Variants in WASF2 observed in about 807,000 individuals in gnomAD.
The protein encoded by WASF2 is WASP family member 2.
A neutral mutation model predicts 45.0 loss-of-function variants in WASF2; 14 were observed. The ratio of observed to expected loss-of-function variants is 0.31; its 90% CI spans 0.21 to 0.49. The LOEUF (loss-of-function observed/expected upper bound fraction) is 0.49. Ranked by LOEUF, WASF2 falls within the 20% of genes least tolerant of loss-of-function variation. The pLI is 0.99. For synonymous variants in WASF2, 200 were observed against 236.3 expected (o/e 0.85, Z 1.41); for missense variants, 439 against 636.1 (o/e 0.69, Z 3.33).
intron 1 of WASF2, among the ~76,000 whole-genome samples, chr1:27,467,457 C>G (rs1450608506): frequency 6.7e-6 from 1 of 149,840 alleles, no homozygotes; most frequent in African/African-American, 2.4e-5. Context: ...CCTGCCACCA[C>G]GCCCGGCTAA....
intron 1 of WASF2, among the ~76,000 whole-genome samples, chr1:27,453,825 G>A (rs1264878257): frequency 6.6e-6 from 1 of 151,836 alleles, no homozygotes; most frequent in Non-Finnish European, 1.5e-5. Flanking sequence ...GGAGGCAGAG[G>A]TTGCAGTGAG....
chr1:27,419,828 T>A (rs1223556309), intron 2 of WASF2, among the ~76,000 whole-genome samples: 1 of 152,192 alleles, frequency 6.6e-6, no homozygotes, highest in Non-Finnish European at 1.5e-5. Context: ...GGCCCTGAGC[T>A]TATCAACAAG....
chr1:27,445,757 C>T (rs1006661333), intron 1 of WASF2, among the ~76,000 whole-genome samples: 5 of 151,954 alleles, frequency 3.3e-5, no homozygotes, highest in East Asian at 1.9e-4. Context: ...ACACTTCTGA[C>T]GGGTTACTTT....
intron 1 of WASF2, among the ~76,000 whole-genome samples, chr1:27,463,947 T>C (rs1042896969): frequency 1.3e-5 from 2 of 151,648 alleles, no homozygotes; most frequent in Admixed American, 1.3e-4. Flanking sequence ...AATTATGTAT[T>C]CTTAGTAGAG....
chr1:27,445,576 C>G (rs764084077), intron 1 of WASF2, among the ~76,000 whole-genome samples: 1 of 152,186 alleles, frequency 6.6e-6, no homozygotes, highest in Non-Finnish European at 1.5e-5. Context: ...GTATAACATA[C>G]TGCTTTCTCC....
chr1:27,478,517 T>C (rs2017802025), intron 1 of WASF2, among the ~76,000 whole-genome samples: 1 of 152,192 alleles, frequency 6.6e-6, no homozygotes, highest in Admixed American at 6.5e-5. Context: ...GCCTATAAAA[T>C]GGTGGAGATT....
rs1227080716 is a variant in WASF2, at chr1:27,406,915, G to A, written c.*1274C>T. Reference sequence around the variant, plus strand: ...TAAATTGGGGAAATAAAAGGGGGAGGAGTTGCAGAGGAATTGAAAGCAGCA... The same window carrying A: ...TAAATTGGGGAAATAAAAGGGGGAGAAGTTGCAGAGGAATTGAAAGCAGCA... On this transcript the variant is annotated 3_prime_UTR_variant, in exon 9 of 9. Transcript: ENST00000618852. The A allele has an allele frequency of 1.3e-5, 2 of 152,254 alleles. No individual in the cohort carries two copies. Among genetic ancestry groups the A allele is most frequent in the Non-Finnish European group, 2.9e-5 (2 of 68,084 alleles). The allele number at this position is 152,254 out of a possible 1,614,324, so 9.4% of individuals were successfully genotyped here.
At chr1:27,479,811 G>C (rs969352553) in intron 1 of WASF2, among the ~76,000 whole-genome samples, 9 of 152,228 alleles carry the variant, frequency 5.9e-5, no homozygotes, top group African/African-American at 2.2e-4. Flanking sequence ...GCTGCAGTGA[G>C]CCAAGATGGC....
chr1:27,420,147 C>T (rs1034613880), intron 2 of WASF2, among the ~76,000 whole-genome samples: 1 of 152,008 alleles, frequency 6.6e-6, no homozygotes, highest in Admixed American at 6.6e-5. Context: ...TCAAGTGATC[C>T]GCCCACCTTG....
At chr1:27,433,005 T>G (rs1280474261) in intron 1 of WASF2, among the ~76,000 whole-genome samples, 1 of 152,200 alleles carries the variant, frequency 6.6e-6, no homozygotes, top group African/African-American at 2.4e-5. Flanking sequence ...TCAAGCAATC[T>G]TCCCACCTTG....
chr1:27,487,636 AATATATATTATATATTATATAATATATAT>A (rs2017958955), intron 1 of WASF2, among the ~76,000 whole-genome samples: 1 of 81,208 alleles, frequency 1.2e-5, no homozygotes, highest in African/African-American at 5.6e-5. Flanking sequence ...TACAATATAT[AATATATATTATATATTATATAATATATAT>A]TATATATATT....
chr1:27,439,076 G>C (rs2017174267), intron 1 of WASF2, among the ~76,000 whole-genome samples: 1 of 152,116 alleles, frequency 6.6e-6, no homozygotes, highest in African/African-American at 2.4e-5. Context: ...GTAAGCAGTG[G>C]GGCAGAGCAA....
chr1:27,467,907 G>A (rs1300727088), intron 1 of WASF2, among the ~76,000 whole-genome samples: 2 of 151,462 alleles, frequency 1.3e-5, no homozygotes, highest in Non-Finnish European at 2.9e-5. Flanking sequence ...GCAATTTCCT[G>A]TTTCTTCTTA....
chr1:27,489,249 C>T (rs899447621), intron 1 of WASF2, among the ~76,000 whole-genome samples: 3 of 108,024 alleles, frequency 2.8e-5, no homozygotes, highest in African/African-American at 1.6e-4. Flanking sequence ...ATCCTGTACG[C>T]GCGCACACAC....
intron 1 of WASF2, among the ~76,000 whole-genome samples, chr1:27,450,893 T>C (rs2017375730): frequency 6.6e-6 from 1 of 151,678 alleles, no homozygotes; most frequent in Non-Finnish European, 1.5e-5. Flanking sequence ...CTGGTGAAAA[T>C]CTGGCACACA....
intron 1 of WASF2, among the ~76,000 whole-genome samples, chr1:27,483,759 G>A (rs920492761): frequency 2.6e-5 from 4 of 151,906 alleles, no homozygotes; most frequent in African/African-American, 7.3e-5. Flanking sequence ...TTTAAGACCA[G>A]CCTGGGCAAC....
chr1:27,424,664 G>A (rs2016952233), intron 2 of WASF2, among the ~76,000 whole-genome samples: 2 of 151,962 alleles, frequency 1.3e-5, no homozygotes, highest in Admixed American at 6.6e-5. Flanking sequence ...GCAAGTACAG[G>A]CACACGCCAC....
intron 1 of WASF2, among the ~76,000 whole-genome samples, chr1:27,435,985 C>T (rs770371244): frequency 2.0e-5 from 3 of 152,202 alleles, no homozygotes; most frequent in African/African-American, 4.8e-5. Context: ...TGCTGATCAG[C>T]AGTAGCAGGG....
At chr1:27,418,050 G>A (rs1189946351) in intron 4 of WASF2, among the ~76,000 whole-genome samples, 1 of 152,176 alleles carries the variant, frequency 6.6e-6, no homozygotes, top group African/African-American at 2.4e-5. Context: ...CTTTCAATAT[G>A]TATTATATTC....
Sources: allele counts gnomAD v4.1 joint callset (sites outside exome capture counted in the v4.1 genomes callset), GRCh38; gene constraint gnomAD v4.1.1; transcripts MANE v1.5; gene names NCBI Gene and HGNC (gene_info 2026-07-23, HGNC 2026-07-21).